The following GRB10 variants were observed in gnomAD, a reference collection of about 807,000 sequenced individuals.
GRB10 encodes the protein growth factor receptor bound protein 10, also known as growth factor receptor-bound protein 10.
A neutral mutation model predicts 80.9 loss-of-function variants in GRB10; 20 were observed. That is an observed-to-expected ratio of 0.25 (90% CI 0.17 to 0.36). The LOEUF (loss-of-function observed/expected upper bound fraction) is 0.36, where lower values mean the gene tolerates loss of function less well. Ranked by LOEUF, GRB10 falls within the 10% of genes least tolerant of loss-of-function variation. The pLI is 1.00. For missense variants in GRB10, 548 were observed against 747.7 expected (o/e 0.73, Z 3.12); for synonymous variants, 291 against 291.5 (o/e 1.00, Z 0.02).
intron 5 of GRB10, among the ~76,000 whole-genome samples, chr7:50,692,828 G>C (rs2062983916): frequency 6.6e-6 from 1 of 152,094 alleles, no homozygotes; most frequent in Non-Finnish European, 1.5e-5. Context: ...ATACATATAG[G>C]TGTGTGCAGG....
At chr7:50,763,368 C>G (rs1035268272) in intron 2 of GRB10, among the ~76,000 whole-genome samples, 1 of 152,108 alleles carries the variant, frequency 6.6e-6, no homozygotes, top group Non-Finnish European at 1.5e-5. Flanking sequence ...CTGGGACTAC[C>G]CAGAGTTGAG....
chr7:50,645,686 G>A, intron 7 of GRB10: 1 of 911,966 alleles, frequency 1.1e-6, no homozygotes, highest in Non-Finnish European at 1.3e-6. Context: ...AGACCTCTTG[G>A]GGTCTGTCCA....
chr7:50,650,406 TA>T (rs1241754225), intron 7 of GRB10, among the ~76,000 whole-genome samples: 1 of 151,346 alleles, frequency 6.6e-6, no homozygotes, highest in African/African-American at 2.4e-5. Context: ...AAAAGCAGCA[TA>T]AAAGGAAGCA....
At chr7:50,695,909 C>T (rs1204503455) in intron 5 of GRB10, among the ~76,000 whole-genome samples, 1 of 152,130 alleles carries the variant, frequency 6.6e-6, no homozygotes, top group Non-Finnish European at 1.5e-5. Context: ...AATTAAACAT[C>T]ATTATATAAA....
intron 7 of GRB10, among the ~76,000 whole-genome samples, chr7:50,631,908 C>G (rs1449661695): frequency 1.3e-5 from 2 of 152,280 alleles, no homozygotes; most frequent in Middle Eastern, 6.8e-3. Context: ...AACCAGGGCT[C>G]CCCGCCCTGG....
intron 7 of GRB10, among the ~76,000 whole-genome samples, chr7:50,647,927 G>A (rs959929974): frequency 6.6e-6 from 1 of 152,178 alleles, no homozygotes; most frequent in Non-Finnish European, 1.5e-5. Context: ...GAATTTGGAG[G>A]TATCATGTTT....
At chr7:50,616,575 G>A (rs768659139) in intron 10 of GRB10, among the ~76,000 whole-genome samples, 2 of 152,196 alleles carry the variant, frequency 1.3e-5, no homozygotes, top group African/African-American at 2.4e-5. Context: ...CAACACTGGT[G>A]ATAACACGAG....
chr7:50,606,104 C>T lies in GRB10; in HGVS notation c.1272+233G>A, dbSNP rs556150071. Among the ~76,000 whole-genome samples, 4 of 152,306 alleles carry T rather than the reference C, an allele frequency of 2.6e-5. No individual in the cohort carries two copies. The South Asian group carries it at 8.3e-4, about 32-fold the overall frequency. The stretch of plus-strand genomic sequence containing the variant: ...TAAAGAGAGCCACCTACTTACACAA[C>T]CCTGAGGGGAGATGCAGGGACGGGA... On this transcript the variant is annotated intron_variant, in intron 14 of 18. Coordinates refer to ENST00000401949, the MANE Select transcript of GRB10 (RefSeq NM_001350814.2).
chr7:50,763,565 G>GA (rs1438849897), intron 2 of GRB10, among the ~76,000 whole-genome samples: 1 of 152,218 alleles, frequency 6.6e-6, no homozygotes, highest in Non-Finnish European at 1.5e-5. Context: ...CACACACACG[G>GA]AATGTTTACT....
chr7:50,596,765 A>G (rs914259221), intron 17 of GRB10, among the ~76,000 whole-genome samples: 2 of 152,270 alleles, frequency 1.3e-5, no homozygotes, highest in African/African-American at 2.4e-5. Flanking sequence ...CATAATCTTA[A>G]TAAGGGTATC....
intron 2 of GRB10, among the ~76,000 whole-genome samples, chr7:50,767,114 A>C (rs550616065): frequency 6.6e-6 from 1 of 152,302 alleles, no homozygotes; most frequent in East Asian, 1.9e-4. Flanking sequence ...TTTTTTAATG[A>C]GTGTGCATGA....
In GRB10 at chr7:50,703,927, A is replaced by G. The variant is rs755197355; in HGVS notation, c.52-19T>C. The G allele has an allele frequency of 1.2e-5, 19 of 1,585,272 alleles. No homozygotes were observed. In the South Asian group the frequency reaches 2.1e-4, roughly 18 times the overall value. ...CCTTGTCCTAAAAAAACAGGACCGC[A>G]GCAGAAAGGCTGTGAGTTCACAAGA... On this transcript the variant is annotated intron_variant, in intron 4 of 18. Coordinates refer to ENST00000401949, the MANE Select transcript of GRB10 (RefSeq NM_001350814.2).
chr7:50,771,841 T>C (rs2077009993), intron 2 of GRB10, among the ~76,000 whole-genome samples: 1 of 152,216 alleles, frequency 6.6e-6, no homozygotes, highest in Non-Finnish European at 1.5e-5. Flanking sequence ...GAGGATCTAT[T>C]TCTGACCTGG....
intron 4 of GRB10, among the ~76,000 whole-genome samples, chr7:50,725,449 G>A (rs143869335): frequency 6.6e-6 from 1 of 152,282 alleles, no homozygotes; most frequent in Non-Finnish European, 1.5e-5. Context: ...TTTATAAGCG[G>A]TGTGAGTGTG....
chr7:50,620,235 G>C (rs930774169), intron 8 of GRB10, among the ~76,000 whole-genome samples: 3 of 152,182 alleles, frequency 2.0e-5, no homozygotes, highest in African/African-American at 7.2e-5. Context: ...GGGTCAAAGT[G>C]TGAAGTGATG....
rs558752030 is a variant in GRB10 at position 50,675,239 on chromosome 7, C to T, written c.140-581G>A. 7.2e-5 allele frequency among the ~76,000 whole-genome samples: 11 copies of T among 152,308 alleles called. No individual in the cohort carries two copies. The South Asian group carries it at 1.9e-3, about 26-fold the overall frequency. On this transcript the variant is annotated intron_variant, in intron 5 of 18. Transcript: ENST00000401949. ...GGCTTCGGGTGCCCACCCATCCTCTCGATTGGCCAGAGTGCAGAAGGAAGC... is the reference window on the plus strand; with the variant it reads ...GGCTTCGGGTGCCCACCCATCCTCTTGATTGGCCAGAGTGCAGAAGGAAGC...
At chr7:50,789,694 T>C (rs1562725079) in intron 1 of GRB10, among the ~76,000 whole-genome samples, 1 of 152,058 alleles carries the variant, frequency 6.6e-6, no homozygotes, top group Non-Finnish European at 1.5e-5. Flanking sequence ...ACTAGAAGAA[T>C]CTCCCCAGAA....
At chr7:50,738,950 A>T (rs1321731961) in intron 3 of GRB10, among the ~76,000 whole-genome samples, 1 of 152,144 alleles carries the variant, frequency 6.6e-6, no homozygotes, top group African/African-American at 2.4e-5. Context: ...TTGCAAGATT[A>T]TCATTATAAA....
intron 7 of GRB10, among the ~76,000 whole-genome samples, chr7:50,639,128 T>C (rs2055641508): frequency 6.6e-6 from 1 of 152,148 alleles, no homozygotes; most frequent in South Asian, 2.1e-4. Context: ...TTTTAGAAAT[T>C]ACCTGTTGGG....
Sources: allele counts gnomAD v4.1 joint callset (sites outside exome capture counted in the v4.1 genomes callset), GRCh38; gene constraint gnomAD v4.1.1; transcripts MANE v1.5; gene names NCBI Gene and HGNC (gene_info 2026-07-23, HGNC 2026-07-21).